Variants in PALLD observed in about 807,000 individuals in gnomAD.
PALLD encodes palladin, cytoskeletal associated protein, also known as palladin.
In PALLD, 61 loss-of-function variants were observed where a neutral mutation model predicts 123.5. That is an observed-to-expected ratio of 0.49 (90% CI 0.40 to 0.61). The LOEUF (loss-of-function observed/expected upper bound fraction) is 0.61, where lower values mean the gene tolerates loss of function less well. Ranked by LOEUF, PALLD falls within the 20% of genes least tolerant of loss-of-function variation. The pLI is 0.00. For missense variants in PALLD, 1,273 were observed against 1,377.0 expected, an observed-to-expected ratio of 0.92 and a Z score of 1.20; for synonymous variants, 465 against 496.4, an observed-to-expected ratio of 0.94 and a Z score of 0.84.
intron 2 of PALLD, among the ~76,000 whole-genome samples, chr4:168,512,794 T>C (rs200234713): frequency 6.6e-6 from 1 of 152,292 alleles, no homozygotes; most frequent in East Asian, 1.9e-4. Flanking sequence ...GTTGAAAGCA[T>C]GGCTAAAACT....
intron 2 of PALLD, among the ~76,000 whole-genome samples, chr4:168,523,098 T>A (rs1027043196): frequency 1.4e-4 from 21 of 152,160 alleles, no homozygotes; most frequent in Non-Finnish European, 2.9e-4. Flanking sequence ...AACTTTTTCC[T>A]AAGATGACAG....
intron 10 of PALLD, among the ~76,000 whole-genome samples, chr4:168,796,681 C>T (rs1353779694): frequency 6.6e-6 from 1 of 152,120 alleles, no homozygotes; most frequent in Non-Finnish European, 1.5e-5. Flanking sequence ...TGTTACAGAA[C>T]GTCAATGCCA....
At chr4:168,729,598 A>G (rs996176675) in intron 10 of PALLD, among the ~76,000 whole-genome samples, 4 of 152,158 alleles carry the variant, frequency 2.6e-5, no homozygotes, top group Non-Finnish European at 5.9e-5. Context: ...CCTAGGATCA[A>G]TGCACAGTTG....
chr4:168,905,917 A>G (rs1757696587), intron 15 of PALLD, among the ~76,000 whole-genome samples: 2 of 150,740 alleles, frequency 1.3e-5, no homozygotes, highest in African/African-American at 4.9e-5. Flanking sequence ...CTTCTGCCTC[A>G]GCACCACCAC....
intron 2 of PALLD, among the ~76,000 whole-genome samples, chr4:168,603,332 A>G (rs1211179973): frequency 6.6e-6 from 1 of 152,196 alleles, no homozygotes; most frequent in African/African-American, 2.4e-5. Flanking sequence ...TTTTTTGTTC[A>G]TCTAAAAATC....
In PALLD at chr4:168,709,109, G is replaced by T. The variant is rs1394213356; in HGVS notation, c.1583G>T (p.Gly528Val). ...ACATGTTCAGCAAGAAATGATTATG[G>T]ATCAGCAACCAGCACTGCCCAGCTG... ...IFTCSARNDYGSATSTAQLVV... is the reference protein window; with the variant it reads ...IFTCSARNDYVSATSTAQLVV... The change falls in exon 9 of 22, where the codon GGA becomes GTA. Residue 528 changes from glycine to valine, a missense_variant. By Grantham distance (109) the Gly-to-Val change is moderately radical. Around this residue, in one of 2 missense-constraint regions of PALLD, gnomAD observed 944 missense variants for 954.5 expected, o/e 0.99. Transcript: ENST00000505667. The T allele has an allele frequency of 1.2e-6, 2 of 1,613,886 alleles. No homozygotes were observed. The highest frequency in any genetic ancestry group is 1.7e-6 in the Non-Finnish European group (2 of 1,179,912).
intron 2 of PALLD, among the ~76,000 whole-genome samples, chr4:168,524,691 C>T (rs946228098): frequency 2.0e-5 from 3 of 152,178 alleles, no homozygotes; most frequent in African/African-American, 4.8e-5. Context: ...AGAAACACCA[C>T]CACAGATAGT....
chr4:168,816,468 T>C (rs1013622919), intron 10 of PALLD, among the ~76,000 whole-genome samples: 1 of 150,354 alleles, frequency 6.7e-6, no homozygotes, highest in South Asian at 2.1e-4. Context: ...TTAGAGAACA[T>C]TGACAACTAA....
chr4:168,529,809 T>C (rs1764433948), intron 2 of PALLD, among the ~76,000 whole-genome samples: 1 of 152,182 alleles, frequency 6.6e-6, no homozygotes, highest in Non-Finnish European at 1.5e-5. Flanking sequence ...CCAGGCTAAA[T>C]AAATGAAAAT....
At chr4:168,838,282 G>A (rs988289722) in intron 10 of PALLD, among the ~76,000 whole-genome samples, 11 of 152,108 alleles carry the variant, frequency 7.2e-5, no homozygotes, top group African/African-American at 2.2e-4. Context: ...ACAAGCAGAG[G>A]GCTTGACCTC....
chr4:168,544,749 G>T (rs1049309665), intron 2 of PALLD, among the ~76,000 whole-genome samples: 1 of 152,108 alleles, frequency 6.6e-6, no homozygotes, highest in Admixed American at 6.5e-5. Context: ...CACTAAAAAA[G>T]TTAACTGATT....
intron 1 of PALLD, among the ~76,000 whole-genome samples, chr4:168,506,659 C>T (rs1159378450): frequency 3.9e-5 from 6 of 152,186 alleles, no homozygotes; most frequent in Admixed American, 3.9e-4. Flanking sequence ...ACAAACCTCA[C>T]CAGAGTCTAT....
intron 2 of PALLD, among the ~76,000 whole-genome samples, chr4:168,546,034 T>C (rs970945395): frequency 2.0e-5 from 3 of 152,190 alleles, no homozygotes; most frequent in Non-Finnish European, 4.4e-5. Flanking sequence ...GAATGGATTC[T>C]GTTAGGAAAG....
intron 2 of PALLD, among the ~76,000 whole-genome samples, chr4:168,604,179 C>T (rs767898045): frequency 6.6e-6 from 1 of 152,144 alleles, no homozygotes; most frequent in Non-Finnish European, 1.5e-5. Context: ...AGAGGTTAGA[C>T]AGTAACATCA....
intron 2 of PALLD, among the ~76,000 whole-genome samples, chr4:168,625,532 A>AGATAT (rs1775182973): frequency 3.2e-5 from 1 of 31,576 alleles, no homozygotes; most frequent in Non-Finnish European, 9.3e-5. Context: ...ATAAGGGGTT[A>AGATAT]ATATTCAGGA....
intron 2 of PALLD, among the ~76,000 whole-genome samples, chr4:168,572,593 C>G (rs896950622): frequency 6.6e-6 from 1 of 151,912 alleles, no homozygotes; most frequent in African/African-American, 2.4e-5. Flanking sequence ...ATTTGATATC[C>G]CCCTTCCCAA....
At chr4:168,898,293 TGAA>T (rs1176290505) in intron 13 of PALLD, 197 bp from the exon 14 acceptor site, 3 of 607,784 alleles carry the variant, frequency 4.9e-6, no homozygotes, top group Non-Finnish European at 8.8e-6. Flanking sequence ...TGATAGGACT[TGAA>T]GACAATCTGA....
chr4:168,754,720 A>T (rs1466675034), intron 10 of PALLD, among the ~76,000 whole-genome samples: 1 of 152,172 alleles, frequency 6.6e-6, no homozygotes, highest in African/African-American at 2.4e-5. Context: ...CCAAGTCCTT[A>T]AACATTCATT....
chr4:168,794,494 G>GCACACACACATGCACACA (rs1213666061), intron 10 of PALLD, among the ~76,000 whole-genome samples: 1 of 135,762 alleles, frequency 7.4e-6, no homozygotes, highest in African/African-American at 2.9e-5. Flanking sequence ...ACACATGCAC[G>GCACACACACATGCACACA]CACACACACA....
Sources: allele counts gnomAD v4.1 joint callset (sites outside exome capture counted in the v4.1 genomes callset), GRCh38; gene constraint gnomAD v4.1.1; regional missense constraint gnomAD v4.1.1; transcripts MANE v1.5; gene names NCBI Gene and HGNC (gene_info 2026-07-23, HGNC 2026-07-21).